ARAP1: variants seen among roughly 807,000 people sequenced by gnomAD.
The protein encoded by ARAP1 is arf-GAP with Rho-GAP domain, ANK repeat and PH domain-containing protein 1.
In ARAP1, 76 loss-of-function variants were observed where a neutral mutation model predicts 172.2. That is an observed-to-expected ratio of 0.44 (90% CI 0.37 to 0.53). The LOEUF is 0.53. ARAP1 is among the 20% of genes least tolerant of loss of function. ARAP1 has a pLI of 0.00. For missense variants in ARAP1, 1,686 were observed against 1,977.5 expected, an observed-to-expected ratio of 0.85 and a Z score of 2.80; for synonymous variants, 804 against 803.3, an observed-to-expected ratio of 1.00 and a Z score of -0.01.
chr11:72,687,232 G>A lies in ARAP1; in HGVS notation c.4185+207C>T, dbSNP rs935341593. On this transcript the variant is annotated intron_variant, in intron 33 of 34. Transcript: ENST00000393609. ...GCCCCAAGGGCAGGGTCTGTGTCCT[G>A]TCTGTCCCTAGCATCCCTGGCTTGG... 2.1e-5 allele frequency: 14 copies of A among 656,072 alleles called. No individual in the cohort carries two copies. The Admixed American group carries it at 2.2e-4, about 10-fold the overall frequency. 40.6% of individuals were successfully genotyped at this position (656,072 alleles called of 1,614,324 possible). A position where few individuals can be genotyped will look rare whatever the true frequency, so the allele number is the denominator to read the frequency against.
intron 3 of ARAP1, among the ~76,000 whole-genome samples, chr11:72,718,863 C>T (rs1857395090): frequency 6.6e-6 from 1 of 152,148 alleles, no homozygotes; most frequent in Admixed American, 6.5e-5. Flanking sequence ...CATGGACATC[C>T]CATCCTCATT....
chr11:72,701,225 T>TG (rs1396362701), intron 16 of ARAP1, among the ~76,000 whole-genome samples: 4 of 145,416 alleles, frequency 2.8e-5, no homozygotes, highest in Non-Finnish European at 4.5e-5. Context: ...ATTAGGGGGG[T>TG]GGTTCAGAGA....
Position 72,705,789 on chromosome 11 carries a change from G to A in ARAP1, c.1809+16C>T, listed in dbSNP as rs539166604. The A allele has an allele frequency of 2.5e-6, 4 of 1,613,754 alleles. No homozygotes were observed. The East Asian group carries it at 6.7e-5, about 27-fold the overall frequency. On this transcript the variant is annotated intron_variant, in intron 13 of 34. Transcript: ENST00000393609. ...GGCAGACCCCAAGTATCGGTGGCAA[G>A]CAGGGGCATCCCCACCTCGATAAGT...
At chr11:72,696,452 G>C in intron 23 of ARAP1, 97 bp downstream of exon 23, 1 of 979,596 alleles carries the variant, frequency 1.0e-6, no homozygotes, top group East Asian at 2.7e-5. Context: ...TGGTGCAAAA[G>C]CCCAGCTGGC....
chr11:72,721,954 C>T (rs1857530929), intron 3 of ARAP1: 1 of 986,474 alleles, frequency 1.0e-6, no homozygotes, highest in Non-Finnish European at 1.2e-6. Flanking sequence ...AAGCCTGGGT[C>T]CCGCCTGGGC....
Position 72,685,398 on chromosome 11 carries a change from C to A in ARAP1, c.*266G>T. On this transcript the variant is annotated 3_prime_UTR_variant, in exon 35 of 35. Coordinates refer to ENST00000393609, the MANE Select transcript of ARAP1 (RefSeq NM_001040118.3). ...GCCCATCTCTCCAGCCCCACAAGGA[C>A]AGTGAACCCGGTGGGGTGAGCAGGT... 1.8e-6 allele frequency: 1 copy of A among 556,858 alleles called. No homozygotes were observed. Among genetic ancestry groups the A allele is most frequent in the South Asian group, 2.1e-5 (1 of 48,264 alleles). 34.5% of individuals were successfully genotyped at this position (556,858 alleles called of 1,614,324 possible). A position where few individuals can be genotyped will look rare whatever the true frequency, so the allele number is the denominator to read the frequency against.
chr11:72,734,968 A>C (rs900884032), intron 1 of ARAP1, among the ~76,000 whole-genome samples: 3 of 151,962 alleles, frequency 2.0e-5, no homozygotes, highest in African/African-American at 7.3e-5. Context: ...CTCTATTCAT[A>C]CTGGAGACTG....
Position 72,699,134 on chromosome 11 carries a change from GC to G in ARAP1, c.2439-28del. The G allele has an allele frequency of 1.9e-6, 3 of 1,611,006 alleles. No homozygotes were observed. Among genetic ancestry groups the G allele is most frequent in the Non-Finnish European group, 2.5e-6 (3 of 1,177,698 alleles). On this transcript the variant is annotated intron_variant, in intron 17 of 34. Transcript: ENST00000393609. The surrounding 1 kb of genome is among the most constrained non-coding windows in gnomAD (Gnocchi z 4.2). The stretch of plus-strand genomic sequence containing the variant: ...TGCAAATACACAGGCCAGGACTCAG[GC>G]CCACCTCATCCAGCACGGGCCCACC...
At chr11:72,689,269 TG>T (rs1248591780) in intron 30 of ARAP1, among the ~76,000 whole-genome samples, 1 of 152,190 alleles carries the variant, frequency 6.6e-6, no homozygotes, top group African/African-American at 2.4e-5. Context: ...AGGAGCAGGC[TG>T]GCTCGGAGGC....
intron 31 of ARAP1, 123 bp from the exon 32 acceptor site, chr11:72,687,861 C>T (rs1855757024): frequency 8.6e-7 from 1 of 1,159,242 alleles, no homozygotes; most frequent in Non-Finnish European, 1.3e-6. Context: ...AGCCTTCTCA[C>T]AAGAGTGGCA....
chr11:72,686,220 T>G lies in ARAP1; in HGVS notation c.4186-29A>C, dbSNP rs1407452133. 1.9e-6 allele frequency: 3 copies of G among 1,597,904 alleles called. No individual in the cohort carries two copies. In the South Asian group the frequency reaches 3.3e-5, roughly 18 times the overall value. On this transcript the variant is annotated intron_variant, in intron 33 of 34. Coordinates refer to ENST00000393609, the MANE Select transcript of ARAP1 (RefSeq NM_001040118.3). Reference sequence around the variant, plus strand: ...GGGAGCAGAGAGGAAGGGGCTGGGCTCAGCTTCAGTTCACCCAGACACTCA... The same window carrying G: ...GGGAGCAGAGAGGAAGGGGCTGGGCGCAGCTTCAGTTCACCCAGACACTCA...
At chr11:72,698,830 G>A (rs1433620837) in intron 18 of ARAP1, among the ~76,000 whole-genome samples, 175 bp downstream of exon 18, 2 of 152,132 alleles carry the variant, frequency 1.3e-5, no homozygotes, top group South Asian at 2.1e-4. Context: ...GACCAACTCC[G>A]CAGAGGGCTG....
intron 2 of ARAP1, among the ~76,000 whole-genome samples, chr11:72,727,559 G>A (rs1012949955): frequency 6.6e-6 from 1 of 152,204 alleles, no homozygotes; most frequent in Non-Finnish European, 1.5e-5. Flanking sequence ...CAAGACCCAC[G>A]GCAGGGCTAA....
intron 3 of ARAP1, among the ~76,000 whole-genome samples, chr11:72,717,588 C>T (rs1266833122): frequency 6.6e-6 from 1 of 152,210 alleles, no homozygotes; most frequent in East Asian, 1.9e-4. Context: ...GCAGCAGGCA[C>T]GTTCCCTGAA....
rs1856127274 is a variant in ARAP1 at position 72,695,198 on chromosome 11, C to T, written c.3577-101G>A. On this transcript the variant is annotated intron_variant, in intron 26 of 34. Coordinates refer to ENST00000393609, the MANE Select transcript of ARAP1 (RefSeq NM_001040118.3). The surrounding 1 kb of genome is among the most constrained non-coding windows in gnomAD (Gnocchi z 4.4). ...AGCCTGAGCCCATCCTTCTCAGGCC[C>T]TTCTGGAGTCCTGGGATAGAGAGGG... 2 of 1,398,670 alleles carry T rather than the reference C, an allele frequency of 1.4e-6. No homozygotes were observed. The highest frequency in any genetic ancestry group is 2.4e-5 in the South Asian group (2 of 81,870). 86.6% of individuals were successfully genotyped at this position (1,398,670 alleles called of 1,614,324 possible).
At chr11:72,713,130 C>A in intron 5 of ARAP1, 46 bp downstream of exon 5, 4 of 1,595,998 alleles carry the variant, frequency 2.5e-6, no homozygotes, top group Non-Finnish European at 2.6e-6. Flanking sequence ...CAGCTGGGCA[C>A]CCCCACAACA....
chr11:72,726,665 A>T lies in ARAP1; in HGVS notation c.464T>A (p.Val155Asp). 6.5e-7 allele frequency: 1 copy of T among 1,541,680 alleles called. No homozygotes were observed. The highest frequency in any genetic ancestry group is 1.2e-5 in the South Asian group (1 of 82,244). ...PAKRHLAELS[V>D]PPVPPRTGPP... ...TCCGGTGCGGGGCGGCACGGGTGGA[A>T]CGCTCAGCTCTGCCAAATGCCGCTT... The change falls in exon 3 of 35, where the codon GTT (valine) becomes GAT (aspartate). Residue 155 changes from valine to aspartate, a missense_variant. Physicochemically the swap from Val to Asp is radical, Grantham distance 152. Coordinates refer to ENST00000393609, the MANE Select transcript of ARAP1 (RefSeq NM_001040118.3). This position sits in a 1 kb window ranked among gnomAD's most constrained non-coding sequence, Gnocchi z 6.5.
intron 11 of ARAP1, 132 bp from the exon 12 acceptor site, chr11:72,707,506 C>G: frequency 1.3e-6 from 1 of 777,536 alleles, no homozygotes; most frequent in South Asian, 2.0e-5. Flanking sequence ...GCATCCCACT[C>G]TGGTAGGGAA....
At chr11:72,751,524 T>C (rs1858530489) in intron 1 of ARAP1, among the ~76,000 whole-genome samples, 1 of 152,056 alleles carries the variant, frequency 6.6e-6, no homozygotes, top group Non-Finnish European at 1.5e-5. Context: ...ACAGGTATCA[T>C]GAGTGCCTCA....
Sources: gnomAD v4.1 joint callset for allele counts (sites outside exome capture counted in the v4.1 genomes callset) on GRCh38, gnomAD v4.1.1 for gene constraint, Gnocchi (gnomAD v3.1) non-coding constraint, MANE v1.5 for transcripts, NCBI Gene and HGNC (gene_info 2026-07-23, HGNC 2026-07-21) for gene names.